Variants in GSE1 observed in about 807,000 individuals in gnomAD.
GSE1 encodes the protein genetic suppressor element 1.
A neutral mutation model predicts 112.6 loss-of-function variants in GSE1; 32 were observed. The ratio of observed to expected loss-of-function variants is 0.28; its 90% CI spans 0.21 to 0.38. The LOEUF (loss-of-function observed/expected upper bound fraction) is 0.38, where lower values mean the gene tolerates loss of function less well. GSE1 is among the 10% of genes least tolerant of loss of function. The pLI is 1.00. For missense variants in GSE1, 2,348 were observed against 1,699.2 expected (o/e 1.38, Z -6.71); for synonymous variants, 1,115 against 735.6 (o/e 1.52, Z -8.35).
rs747312503 is a variant in GSE1, at chr16:85,665,011, A to G, written c.2645-4A>G. ...TCGTTAATCTCAGGCTGCTTTTCTC[A>G]TAGACAAAGAGAGACTTGTTGAAAT... is the stretch of plus-strand genomic sequence containing the variant. On this transcript the variant is annotated splice_region_variant and splice_polypyrimidine_tract_variant and intron_variant, in intron 11 of 15. Coordinates refer to ENST00000253458, the MANE Select transcript of GSE1 (RefSeq NM_014615.5). The G allele has an allele frequency of 3.2e-6, 5 of 1,578,336 alleles. No homozygotes were observed. Among genetic ancestry groups the G allele is most frequent in the East Asian group, 4.5e-5 (2 of 44,704 alleles).
chr16:85,493,685 G>A (rs1430486604), intron 2 of GSE1, among the ~76,000 whole-genome samples: 5 of 151,266 alleles, frequency 3.3e-5, no homozygotes, highest in Non-Finnish European at 5.9e-5. Flanking sequence ...CCCGGGAGGC[G>A]GAGGTGGAGG....
chr16:85,636,016 G>A (rs980568221), intron 2 of GSE1, among the ~76,000 whole-genome samples: 10 of 152,364 alleles, frequency 6.6e-5, no homozygotes, highest in East Asian at 3.9e-4. Flanking sequence ...CTCGGCCAGC[G>A]GGTGGCCTGA....
chr16:85,274,277 C>T (rs1405629955), intron 1 of GSE1, among the ~76,000 whole-genome samples: 13 of 151,832 alleles, frequency 8.6e-5, no homozygotes, highest in South Asian at 4.2e-4. Context: ...CCCAGCTACT[C>T]GGGAGGCTGA....
intron 2 of GSE1, among the ~76,000 whole-genome samples, chr16:85,523,240 G>A (rs1209491042): frequency 6.8e-6 from 1 of 147,220 alleles, no homozygotes; most frequent in Non-Finnish European, 1.5e-5. Context: ...TGTGTTGTGT[G>A]CGTGTGACTG....
intron 2 of GSE1, among the ~76,000 whole-genome samples, chr16:85,423,468 G>A (rs1487550606): frequency 6.6e-6 from 1 of 152,236 alleles, no homozygotes; most frequent in Non-Finnish European, 1.5e-5. Context: ...GGTCTGGGGT[G>A]GCAGGGTTTG....
At chr16:85,170,410 C>T (rs1020485953) in exon 1 of GSE1, 61 of 985,454 alleles carry the variant, frequency 6.2e-5, no homozygotes, top group Non-Finnish European at 5.3e-5. Flanking sequence ...GAAAGGGCCT[C>T]CCTCTGGCAG....
rs574836826 is a variant in GSE1 at position 85,602,593 on chromosome 16, T to G, written c.38-45959T>G. Among the ~76,000 whole-genome samples the G allele has an allele frequency of 1.7e-3, 254 of 152,144 alleles. 1 individual carries two copies. The highest frequency in any genetic ancestry group is 5.8e-3 in the African/African-American group (242 of 41,500). On this transcript the variant is annotated intron_variant, in intron 1 of 2. Coordinates refer to the GSE1 transcript ENST00000635906. ...AGAACCCGGCCTCCTGGGTGCTCTC[T>G]GGGCATGTAGCCTATCTCTGGGTGG...
chr16:85,233,018 G>A (rs1015732900), intron 1 of GSE1, among the ~76,000 whole-genome samples: 7 of 152,258 alleles, frequency 4.6e-5, no homozygotes, highest in Non-Finnish European at 1.0e-4. Flanking sequence ...GTCGGCAGTC[G>A]AGGGCAGGGA....
At chr16:85,392,105 T>C (rs1423552112) in intron 2 of GSE1, among the ~76,000 whole-genome samples, 1 of 152,100 alleles carries the variant, frequency 6.6e-6, no homozygotes, top group African/African-American at 2.4e-5. Flanking sequence ...CTTCCCGTGA[T>C]TCCCTCCCAG....
At chr16:85,478,667 C>T (rs1483047131) in intron 2 of GSE1, among the ~76,000 whole-genome samples, 1 of 151,430 alleles carries the variant, frequency 6.6e-6, no homozygotes, top group African/African-American at 2.4e-5. Context: ...GGTTTTTCTT[C>T]TTTTTTTCTC....
intron 2 of GSE1, among the ~76,000 whole-genome samples, chr16:85,456,308 G>C (rs76521437): frequency 0.013 from 1,933 of 152,330 alleles, 43 homozygotes; most frequent in African/African-American, 0.044. Context: ...GTGGGAGAGA[G>C]AGAGGGCATT....
intron 1 of GSE1, among the ~76,000 whole-genome samples, chr16:85,561,420 G>A (rs186270130): frequency 4.6e-5 from 7 of 152,078 alleles, no homozygotes; most frequent in Middle Eastern, 3.4e-3. Context: ...GGCGCCCTCC[G>A]AGCCCCTTAT....
chr16:85,344,553 TC>T (rs1000308741), intron 1 of GSE1, among the ~76,000 whole-genome samples: 10 of 152,170 alleles, frequency 6.6e-5, no homozygotes, highest in Admixed American at 5.9e-4. Context: ...GCAGGGCTGC[TC>T]CCCGTTTATC....
chr16:85,388,318 GGAT>G (rs1310618230), intron 2 of GSE1, among the ~76,000 whole-genome samples: 1 of 101,232 alleles, frequency 9.9e-6, no homozygotes. Context: ...ATGGATGGAT[GGAT>G]GGATGGATGA....
At chr16:85,654,550 G>A (rs546425730) in intron 4 of GSE1, 100 bp downstream of exon 4, 8 of 1,058,514 alleles carry the variant, frequency 7.6e-6, no homozygotes, top group African/African-American at 4.8e-5. Flanking sequence ...AGATGAGGCT[G>A]TGCCTGCTAG....
chr16:85,364,312 C>T (rs1258851994), intron 2 of GSE1, among the ~76,000 whole-genome samples: 1 of 152,190 alleles, frequency 6.6e-6, no homozygotes, highest in Admixed American at 6.5e-5. Context: ...CTTAGAAGGC[C>T]CCTGTGACTG....
intron 1 of GSE1, among the ~76,000 whole-genome samples, chr16:85,589,870 CAG>C (rs754818284): frequency 3.2e-4 from 48 of 151,142 alleles, no homozygotes; most frequent in Non-Finnish European, 4.1e-4. Flanking sequence ...GAACATGTGA[CAG>C]AGACATTGTG....
In GSE1 at chr16:85,562,097, A is replaced by G. The variant is rs8054827; in HGVS notation, c.37+5734A>G. 6.3e-3 allele frequency among the ~76,000 whole-genome samples: 966 copies of G among 152,348 alleles called. 8 individuals are homozygous for G. The highest frequency in any genetic ancestry group is 0.022 in the African/African-American group (899 of 41,574). ...CCCACTCTGGGCGCAGGTTAGGCCT[A>G]ATGGGATCTGACTCAGATAAAAGGA... On this transcript the variant is annotated intron_variant, in intron 1 of 2. Transcript: ENST00000635906.
chr16:85,186,043 G>T (rs2033811621), intron 1 of GSE1, among the ~76,000 whole-genome samples: 1 of 152,190 alleles, frequency 6.6e-6, no homozygotes. Flanking sequence ...ACGATGGGCC[G>T]GGCAGCGACA....
Sources: allele counts gnomAD v4.1 joint callset (sites outside exome capture counted in the v4.1 genomes callset), GRCh38; gene constraint gnomAD v4.1.1; transcripts MANE v1.5; gene names NCBI Gene and HGNC (gene_info 2026-07-23, HGNC 2026-07-21).